The following SDAD1 variants were observed in gnomAD, a reference collection of about 807,000 sequenced individuals.
The protein encoded by SDAD1 is SDA1 domain containing 1.
Under a neutral mutation model 100.3 loss-of-function variants are expected in SDAD1, and 79 were observed. That is an observed-to-expected ratio of 0.79 (90% CI 0.66 to 0.95). SDAD1 has a LOEUF of 0.95. Ranked by LOEUF, SDAD1 falls within the 40% of genes least tolerant of loss-of-function variation. The probability of loss-of-function intolerance (pLI) is 0.00; values close to 1 mark genes in which losing one functional copy is unlikely to be tolerated. For missense variants in SDAD1, 790 were observed against 810.9 expected (o/e 0.97, Z 0.31); for synonymous variants, 267 against 271.4 (o/e 0.98, Z 0.16).
chr4:75,974,777 C>T (rs1560549410), intron 6 of SDAD1, among the ~76,000 whole-genome samples: 1 of 151,974 alleles, frequency 6.6e-6, no homozygotes, highest in Non-Finnish European at 1.5e-5. Context: ...CGCAGTGGCT[C>T]ACGCCTGTAA....
intron 14 of SDAD1, 25 bp from the exon 15 acceptor site, chr4:75,961,333 A>G (rs1729218978): frequency 3.2e-6 from 5 of 1,548,874 alleles, no homozygotes; most frequent in Non-Finnish European, 3.6e-6. Context: ...ACAAAGTTTA[A>G]AAGAGCCCGA....
chr4:75,960,139 T>C lies in SDAD1; in HGVS notation c.1410A>G (p.Leu470=), dbSNP rs1729147407. The C allele has an allele frequency of 1.9e-6, 3 of 1,612,110 alleles. No homozygotes were observed. Among genetic ancestry groups the C allele is most frequent in the Middle Eastern group, 3.7e-4 (2 of 5,364 alleles). The change falls in exon 17 of 22, where the codon TTA becomes TTG. Residue 470 remains leucine, a synonymous_variant. Transcript: ENST00000356260. The stretch of plus-strand genomic sequence containing the variant: ...CTCCTGGAATGTAATCTTTAGCATC[T>C]AATTCTCCATATTCTTGTACTCTTG... ...IEARVQEYGE[L]DAKDYIPGAE...
At chr4:75,960,342 T>A (rs536614521) in intron 16 of SDAD1, 150 bp from the exon 17 acceptor site, 6 of 709,016 alleles carry the variant, frequency 8.5e-6, no homozygotes, top group Admixed American at 7.2e-5. Context: ...AGTGGTACAA[T>A]CTCAGCTCAC....
At chr4:75,957,106 G>C (rs561880090) in intron 20 of SDAD1, among the ~76,000 whole-genome samples, 1 of 152,108 alleles carries the variant, frequency 6.6e-6, no homozygotes, top group Non-Finnish European at 1.5e-5. Context: ...AGAGACTGTC[G>C]CAAAAAACAA....
At chr4:75,962,055 C>T (rs999520721) in intron 14 of SDAD1, among the ~76,000 whole-genome samples, 1 of 152,150 alleles carries the variant, frequency 6.6e-6, no homozygotes, top group Non-Finnish European at 1.5e-5. Context: ...CCACTACCGC[C>T]ACCCCACGAC....
intron 12 of SDAD1, among the ~76,000 whole-genome samples, chr4:75,966,868 C>T (rs1187620132): frequency 1.3e-5 from 2 of 152,150 alleles, no homozygotes; most frequent in African/African-American, 4.8e-5. Context: ...CTCCTGGGTT[C>T]AAGCGATTCT....
rs779616700 is a variant in SDAD1, at chr4:75,955,996, C to T, written c.1995G>A (p.Lys665=). ...TCACCTGTTTTTCTCGGAAGGAACG[C>T]TTATTTTTTGACCGGACATTCTGGC... ...RYSQNVRSKN[K]RSFREKQLAL... is the part of the protein sequence containing the mutation. The change falls in exon 21 of 22, where the codon AAG becomes AAA. Residue 665 remains lysine, a synonymous_variant. Transcript: ENST00000356260. 3.1e-5 allele frequency: 50 copies of T among 1,600,922 alleles called. No homozygotes were observed. The highest frequency in any genetic ancestry group is 1.4e-5 in the African/African-American group (1 of 73,836).
chr4:75,962,181 GAA>G (rs1729281757), intron 14 of SDAD1, among the ~76,000 whole-genome samples: 1 of 152,188 alleles, frequency 6.6e-6, no homozygotes, highest in Non-Finnish European at 1.5e-5. Context: ...AGTTTGCTAA[GAA>G]TGATGGTTTC....
intron 1 of SDAD1, among the ~76,000 whole-genome samples, chr4:75,985,455 C>A (rs1358394471): frequency 3.3e-5 from 5 of 152,126 alleles, no homozygotes; most frequent in Non-Finnish European, 1.5e-5. Context: ...GATTAATATC[C>A]TTTCTCCTCA....
At chr4:75,979,747 G>A (rs928379481) in intron 3 of SDAD1, among the ~76,000 whole-genome samples, 8 of 152,024 alleles carry the variant, frequency 5.3e-5, no homozygotes, top group Admixed American at 2.6e-4. Flanking sequence ...GAGCCACCGC[G>A]CCTGGCGGAA....
chr4:75,962,360 T>C (rs539487658), intron 14 of SDAD1, among the ~76,000 whole-genome samples: 2 of 152,362 alleles, frequency 1.3e-5, no homozygotes, highest in Admixed American at 1.3e-4. Context: ...AATAAACATA[T>C]GTGTGCATGT....
At chr4:75,968,031 A>G (rs1729645750) in intron 11 of SDAD1, among the ~76,000 whole-genome samples, 1 of 152,218 alleles carries the variant, frequency 6.6e-6, no homozygotes, top group Non-Finnish European at 1.5e-5. Flanking sequence ...TTAGCCACAG[A>G]GCAAAAGTAG....
intron 9 of SDAD1, 100 bp downstream of exon 9, chr4:75,971,257 A>C (rs1729849360): frequency 1.2e-5 from 9 of 779,456 alleles, no homozygotes; most frequent in Non-Finnish European, 1.9e-5. Flanking sequence ...AAGTATTCTG[A>C]AAATGGTACT....
At chr4:75,980,936 G>C (rs965145946) in intron 3 of SDAD1, 5 of 157,966 alleles carry the variant, frequency 3.2e-5, no homozygotes, top group African/African-American at 1.2e-4. Context: ...AAAGGACAAT[G>C]ATGAAATGCT....
chr4:75,976,131 C>T (rs1443959070), intron 4 of SDAD1, 136 bp from the exon 5 acceptor site: 1 of 586,898 alleles, frequency 1.7e-6, no homozygotes, highest in Non-Finnish European at 2.9e-6. Flanking sequence ...GAAACCCAAA[C>T]CAAGCAAACA....
At chr4:75,982,458 G>C (rs954974020) in intron 1 of SDAD1, among the ~76,000 whole-genome samples, 4 of 152,048 alleles carry the variant, frequency 2.6e-5, no homozygotes, top group African/African-American at 9.7e-5. Context: ...GACCAAACTG[G>C]GTAACACAGG....
chr4:75,964,287 T>G, intron 13 of SDAD1, 76 bp from the exon 14 acceptor site: 1 of 986,316 alleles, frequency 1.0e-6, no homozygotes, highest in Non-Finnish European at 1.6e-6. Flanking sequence ...GAAAGGACAA[T>G]AGATTATTCA....
At chr4:75,983,207 G>A (rs1227715571) in intron 1 of SDAD1, among the ~76,000 whole-genome samples, 1 of 152,158 alleles carries the variant, frequency 6.6e-6, no homozygotes, top group East Asian at 1.9e-4. Context: ...GGGCATTTGG[G>A]TTGGTTCAAA....
At chr4:75,975,639 A>T in intron 6 of SDAD1, 105 bp downstream of exon 6, 2 of 712,384 alleles carry the variant, frequency 2.8e-6, no homozygotes, top group Non-Finnish European at 4.8e-6. Context: ...TGACATAAGT[A>T]TATTAAAGAG....
Sources: allele counts gnomAD v4.1 joint callset (sites outside exome capture counted in the v4.1 genomes callset), GRCh38; gene constraint gnomAD v4.1.1; transcripts MANE v1.5; gene names NCBI Gene and HGNC (gene_info 2026-07-23, HGNC 2026-07-21).